Variants in TPH1 observed in about 807,000 individuals in gnomAD.
TPH1 encodes tryptophan 5-hydroxylase 1.
A neutral mutation model predicts 49.5 loss-of-function variants in TPH1; 37 were observed. That is an observed-to-expected ratio of 0.75 (90% CI 0.58 to 0.98). TPH1 has a LOEUF of 0.98. Ranked by LOEUF, TPH1 falls within the 50% of genes least tolerant of loss-of-function variation. TPH1 has a pLI of 0.00. For missense variants in TPH1, 487 were observed against 523.6 expected, an observed-to-expected ratio of 0.93 and a Z score of 0.68; for synonymous variants, 160 against 182.1, an observed-to-expected ratio of 0.88 and a Z score of 0.98.
At chr11:18,022,702 T>C (rs2134025050) in intron 10 of TPH1, 96 bp downstream of exon 10, 1 of 1,410,632 alleles carries the variant, frequency 7.1e-7, no homozygotes, top group East Asian at 2.4e-5. Context: ...CCTTGTGGGC[T>C]TCAAATTATC....
chr11:18,022,440 C>T (rs925868358), intron 10 of TPH1, among the ~76,000 whole-genome samples: 2 of 152,200 alleles, frequency 1.3e-5, no homozygotes, highest in Non-Finnish European at 2.9e-5. Flanking sequence ...AAATGAATTG[C>T]TCTTGAATAA....
At chr11:18,032,397 T>C (rs1564858001) in intron 4 of TPH1, among the ~76,000 whole-genome samples, 1 of 152,146 alleles carries the variant, frequency 6.6e-6, no homozygotes, top group Non-Finnish European at 1.5e-5. Flanking sequence ...GTCTTCGTTT[T>C]AGTATAACCT....
chr11:18,031,650 A>C (rs1383222997), intron 4 of TPH1, among the ~76,000 whole-genome samples: 4 of 152,132 alleles, frequency 2.6e-5, no homozygotes, highest in Admixed American at 2.6e-4. Context: ...TTTAAGAAAT[A>C]CCTAGGAGGT....
intron 1 of TPH1, among the ~76,000 whole-genome samples, chr11:18,045,217 G>A (rs1047684033): frequency 1.4e-4 from 21 of 152,200 alleles, no homozygotes; most frequent in Non-Finnish European, 3.1e-4. Flanking sequence ...CAGAGGGAGG[G>A]AATCCTCTAC....
intron 6 of TPH1, among the ~76,000 whole-genome samples, chr11:18,027,746 ATTTGTCCATC>A (rs1213112233): frequency 6.6e-6 from 1 of 152,184 alleles, no homozygotes; most frequent in Non-Finnish European, 1.5e-5. Context: ...CGTAGCATAT[ATTTGTCCATC>A]TTTGTAAGTC....
chr11:18,046,053 C>A (rs1246574901), intron 1 of TPH1, among the ~76,000 whole-genome samples, 188 bp downstream of exon 1: 1 of 152,172 alleles, frequency 6.6e-6, no homozygotes, highest in Non-Finnish European at 1.5e-5. Flanking sequence ...TCTTTTCTCC[C>A]CAAACAGCGT....
intron 6 of TPH1, 144 bp from the exon 7 acceptor site, chr11:18,026,769 T>A (rs1439280834): frequency 8.1e-6 from 8 of 991,330 alleles, no homozygotes; most frequent in South Asian, 4.3e-5. Context: ...TAAGGGGAAC[T>A]AATTATTATT....
chr11:18,039,386 G>A (rs191798007), intron 2 of TPH1, among the ~76,000 whole-genome samples: 2 of 152,062 alleles, frequency 1.3e-5, no homozygotes, highest in Admixed American at 1.3e-4. Flanking sequence ...ATTTGCCCAC[G>A]ATCACCCAGG....
intron 6 of TPH1, among the ~76,000 whole-genome samples, chr11:18,028,184 C>T (rs1378502773): frequency 2.6e-5 from 4 of 152,186 alleles, no homozygotes; most frequent in Admixed American, 2.6e-4. Context: ...GTAAAGAGGC[C>T]TGGATCAAAC....
chr11:18,023,007 A>C (rs1226735829), intron 9 of TPH1, 76 bp from the exon 10 acceptor site: 1 of 1,489,034 alleles, frequency 6.7e-7, no homozygotes, highest in Non-Finnish European at 9.3e-7. Flanking sequence ...TAATTGGCTC[A>C]CCTCTAAACA....
In TPH1 at chr11:18,020,979, G is replaced by A. The variant is rs773052051; in HGVS notation, c.*12C>T. On this transcript the variant is annotated 3_prime_UTR_variant, in exon 11 of 11. Transcript: ENST00000682019. ...AATTGATGCTCAAATGTTCCTGGATGACTGGCTACTGTTAGATACTCGGCT... is the reference window on the plus strand; with the variant it reads ...AATTGATGCTCAAATGTTCCTGGATAACTGGCTACTGTTAGATACTCGGCT... 1.7e-5 allele frequency: 28 copies of A among 1,613,482 alleles called. No homozygotes were observed. Among genetic ancestry groups the A allele is most frequent in the Non-Finnish European group, 2.3e-5 (27 of 1,179,690 alleles).
intron 1 of TPH1, among the ~76,000 whole-genome samples, chr11:18,041,952 A>C (rs1204501737): frequency 6.6e-6 from 1 of 152,210 alleles, no homozygotes; most frequent in South Asian, 2.1e-4. Context: ...TAATTCACAC[A>C]CTTGTTCATG....
intron 1 of TPH1, among the ~76,000 whole-genome samples, chr11:18,045,541 T>C (rs765494353): frequency 2.6e-5 from 4 of 151,864 alleles, no homozygotes; most frequent in Non-Finnish European, 5.9e-5. Context: ...AACTCTAGTC[T>C]TTTTCCTGCT....
rs1848046403 is a variant in TPH1 at position 18,036,118 on chromosome 11, T to C, written c.142A>G (p.Ile48Val). 2.5e-6 allele frequency: 4 copies of C among 1,613,136 alleles called. No individual in the cohort carries two copies. Among genetic ancestry groups the C allele is most frequent in the African/African-American group, 1.3e-5 (1 of 74,910 alleles). The stretch of plus-strand genomic sequence containing the variant: ...CTTCTTTTTGATTTTCGGGACTCGA[T>C]ATGTAACAGATTCACATGCTTCTCC... ...FQEKHVNLLH[I>V]ESRKSKRRNS... The change falls in exon 3 of 11, where the codon ATC (isoleucine) becomes GTC (valine). Residue 48 changes from isoleucine to valine, a missense_variant. Transcript: ENST00000682019.
chr11:18,033,947 T>C (rs1190341218), intron 3 of TPH1, among the ~76,000 whole-genome samples: 2 of 152,158 alleles, frequency 1.3e-5, no homozygotes, highest in African/African-American at 4.8e-5. Context: ...CGTCACATCC[T>C]TCAAGACCCA....
Position 18,020,830 on chromosome 11 carries a change from G to A in TPH1, c.*161C>T. 1 of 684,128 alleles carries A rather than the reference G, an allele frequency of 1.5e-6. No homozygotes were observed. Among genetic ancestry groups the A allele is most frequent in the Admixed American group, 2.6e-5 (1 of 38,686 alleles). 42.4% of individuals were successfully genotyped at this position (684,128 alleles called of 1,614,324 possible). A position where few individuals can be genotyped will look rare whatever the true frequency, so the allele number is the denominator to read the frequency against. On this transcript the variant is annotated 3_prime_UTR_variant, in exon 11 of 11. Coordinates refer to ENST00000682019, the MANE Select transcript of TPH1 (RefSeq NM_004179.3). ...AAATAAGTGGTAAATAGAATATCCA[G>A]GTACAAATTTTCAAAGACTAGTGAT...
chr11:18,031,650 A>G (rs1383222997), intron 4 of TPH1, among the ~76,000 whole-genome samples: 1 of 152,132 alleles, frequency 6.6e-6, no homozygotes, highest in South Asian at 2.1e-4. Context: ...TTTAAGAAAT[A>G]CCTAGGAGGT....
intron 1 of TPH1, among the ~76,000 whole-genome samples, chr11:18,043,626 A>AAAC (rs200020349): frequency 4.0e-5 from 6 of 148,912 alleles, no homozygotes; most frequent in South Asian, 2.1e-4. Context: ...AAAAACAAAC[A>AAAC]AACAACAACA....
intron 2 of TPH1, among the ~76,000 whole-genome samples, chr11:18,037,913 A>G (rs1479586004): frequency 6.6e-6 from 1 of 152,218 alleles, no homozygotes; most frequent in Non-Finnish European, 1.5e-5. Context: ...TCCACAGTCC[A>G]TGTGCTTAAA....
Sources: allele counts gnomAD v4.1 joint callset (sites outside exome capture counted in the v4.1 genomes callset), GRCh38; gene constraint gnomAD v4.1.1; transcripts MANE v1.5; gene names NCBI Gene and HGNC (gene_info 2026-07-23, HGNC 2026-07-21).